GATAD2A: variants seen among roughly 807,000 people sequenced by gnomAD.
GATAD2A encodes GATA zinc finger domain containing 2A.
Under a neutral mutation model 68.5 loss-of-function variants are expected in GATAD2A, and 12 were observed. The observed-to-expected ratio is 0.18, with a 90% CI of 0.11 to 0.28. The LOEUF (loss-of-function observed/expected upper bound fraction) is 0.28. GATAD2A is among the 10% of genes least tolerant of loss of function. GATAD2A has a pLI of 1.00. For synonymous variants in GATAD2A, 410 were observed against 375.3 expected (o/e 1.09, Z -1.07); for missense variants, 755 against 868.5 (o/e 0.87, Z 1.64).
chr19:19,473,602 G>A (rs1412462412), intron 2 of GATAD2A, among the ~76,000 whole-genome samples: 2 of 152,060 alleles, frequency 1.3e-5, no homozygotes, highest in African/African-American at 4.8e-5. Context: ...TATTAAGACA[G>A]GTTAGGCCAC....
At chr19:19,463,842 G>A (rs903954051) in intron 1 of GATAD2A, among the ~76,000 whole-genome samples, 2 of 152,244 alleles carry the variant, frequency 1.3e-5, no homozygotes, top group African/African-American at 4.8e-5. Flanking sequence ...CAACACGCAT[G>A]TAGACGGCCT....
intron 2 of GATAD2A, among the ~76,000 whole-genome samples, chr19:19,485,184 G>C (rs931185270): frequency 1.1e-4 from 16 of 152,204 alleles, no homozygotes; most frequent in Non-Finnish European, 4.4e-5. Flanking sequence ...CTCTTTCCCT[G>C]CTTTGTCCCA....
At chr19:19,489,084 T>C (rs2059621501) in intron 2 of GATAD2A, among the ~76,000 whole-genome samples, 1 of 152,274 alleles carries the variant, frequency 6.6e-6, no homozygotes, top group African/African-American at 2.4e-5. Context: ...AGATCTCTTT[T>C]AGAAAGTACT....
chr19:19,407,714 G>A (rs1461111267), intron 1 of GATAD2A, among the ~76,000 whole-genome samples: 1 of 152,182 alleles, frequency 6.6e-6, no homozygotes, highest in African/African-American at 2.4e-5. Flanking sequence ...GTGGAGCAGC[G>A]TTACCAGCTG....
intron 1 of GATAD2A, among the ~76,000 whole-genome samples, chr19:19,414,574 A>G (rs190629656): frequency 1.5e-4 from 17 of 112,396 alleles, no homozygotes; most frequent in Middle Eastern, 0.011. Context: ...GTCTTGCTCC[A>G]TTGTCCAGTC....
chr19:19,493,459 G>C (rs987471208), intron 4 of GATAD2A, among the ~76,000 whole-genome samples: 1 of 152,162 alleles, frequency 6.6e-6, no homozygotes, highest in Non-Finnish European at 1.5e-5. Flanking sequence ...CCCAACTGTC[G>C]GGAGGGTCCT....
chr19:19,486,841 A>G (rs1391789272), intron 2 of GATAD2A, among the ~76,000 whole-genome samples: 3 of 152,206 alleles, frequency 2.0e-5, no homozygotes, highest in Admixed American at 2.0e-4. Flanking sequence ...GCTGCGGGAC[A>G]GGGATTCCTC....
chr19:19,471,923 T>C (rs939746881), intron 2 of GATAD2A, among the ~76,000 whole-genome samples: 1 of 151,700 alleles, frequency 6.6e-6, no homozygotes. Context: ...TTGGAGTTGG[T>C]CTTGCACTGT....
rs530802069 is a variant in GATAD2A at position 19,505,886 on chromosome 19, C to T, written c.*412C>T. On this transcript the variant is annotated 3_prime_UTR_variant, in exon 12 of 12. Transcript: ENST00000683918. ...AGGCCAGCGCCCGGGGCTTCTGAACCGAGCGGGGTGTTTCATTTTTTTGCT... is the reference window on the plus strand; with the variant it reads ...AGGCCAGCGCCCGGGGCTTCTGAACTGAGCGGGGTGTTTCATTTTTTTGCT... The T allele has an allele frequency of 1.1e-4, 45 of 399,120 alleles. No individual in the cohort carries two copies. Among genetic ancestry groups the T allele is most frequent in the African/African-American group, 8.8e-4 (43 of 48,728 alleles). 24.7% of individuals were successfully genotyped at this position (399,120 alleles called of 1,614,324 possible). A position where few individuals can be genotyped will look rare whatever the true frequency, so the allele number is the denominator to read the frequency against.
chr19:19,465,681 C>T lies in GATAD2A; in HGVS notation c.269+67C>T, dbSNP rs1226622139. The T allele has an allele frequency of 4.6e-6, 7 of 1,522,342 alleles. No individual in the cohort carries two copies. The Admixed American group carries it at 1.2e-4, about 26-fold the overall frequency. The allele number at this position is 1,522,342 out of a possible 1,614,324, so 94.3% of individuals were successfully genotyped here. On this transcript the variant is annotated intron_variant, in intron 2 of 11. Coordinates refer to ENST00000683918, the MANE Select transcript of GATAD2A (RefSeq NM_001384528.1). ...CAAGCCCAGTGTGCCCAGGTTGGGGCTGGCCACACTCCAGGCCTGTTGGTA... is the reference window on the plus strand; with the variant it reads ...CAAGCCCAGTGTGCCCAGGTTGGGGTTGGCCACACTCCAGGCCTGTTGGTA...
At chr19:19,488,999 G>A (rs1348356660) in intron 2 of GATAD2A, among the ~76,000 whole-genome samples, 1 of 152,222 alleles carries the variant, frequency 6.6e-6, no homozygotes, top group Non-Finnish European at 1.5e-5. Flanking sequence ...ACTTTAGACA[G>A]TTTTTATAAT....
intron 2 of GATAD2A, among the ~76,000 whole-genome samples, chr19:19,478,615 T>C (rs138912830): frequency 1.8e-4 from 28 of 151,698 alleles, no homozygotes; most frequent in African/African-American, 6.5e-4. Context: ...AAAAAAAATT[T>C]CAGCCTGGGC....
intron 1 of GATAD2A, among the ~76,000 whole-genome samples, chr19:19,449,070 C>A (rs2056080460): frequency 6.6e-6 from 1 of 152,184 alleles, no homozygotes; most frequent in African/African-American, 2.4e-5. Flanking sequence ...CCTACACCAT[C>A]TTCCCTGATT....
At chr19:19,473,925 G>A (rs976874542) in intron 2 of GATAD2A, 25 of 439,108 alleles carry the variant, frequency 5.7e-5, no homozygotes, top group East Asian at 1.6e-4. Context: ...CAGCCTGGGC[G>A]ACAGAGCGAG....
chr19:19,393,212 AGAATGGCTT>A (rs2048977206), intron 1 of GATAD2A, among the ~76,000 whole-genome samples: 1 of 152,146 alleles, frequency 6.6e-6, no homozygotes, highest in Admixed American at 6.5e-5. Context: ...CTGAGGCACA[AGAATGGCTT>A]GAACCTGAGT....
intron 1 of GATAD2A, among the ~76,000 whole-genome samples, chr19:19,426,393 A>G (rs1456038994): frequency 2.0e-5 from 3 of 152,238 alleles, no homozygotes; most frequent in African/African-American, 4.8e-5. Context: ...AGTCCCCGGG[A>G]GGTACTGTTC....
chr19:19,446,030 A>T (rs1029121194), intron 1 of GATAD2A, among the ~76,000 whole-genome samples: 11 of 152,184 alleles, frequency 7.2e-5, no homozygotes, highest in Admixed American at 1.3e-4. Context: ...TTTTTGAGGA[A>T]CTGGCAGACC....
chr19:19,410,574 A>G (rs929365930), intron 1 of GATAD2A, among the ~76,000 whole-genome samples: 2 of 152,152 alleles, frequency 1.3e-5, no homozygotes, highest in African/African-American at 4.8e-5. Context: ...TCTGGTTTGA[A>G]CCTTGAAACG....
At chr19:19,437,580 A>T (rs1279257853) in intron 1 of GATAD2A, among the ~76,000 whole-genome samples, 1 of 152,172 alleles carries the variant, frequency 6.6e-6, no homozygotes, top group Non-Finnish European at 1.5e-5. Context: ...ACTCATTAGC[A>T]GTCACTCCTC....
Sources: allele counts gnomAD v4.1 joint callset (sites outside exome capture counted in the v4.1 genomes callset), GRCh38; gene constraint gnomAD v4.1.1; transcripts MANE v1.5; gene names NCBI Gene and HGNC (gene_info 2026-07-23, HGNC 2026-07-21).